TCF20: variants seen among roughly 807,000 people sequenced by gnomAD.
TCF20 encodes transcription factor 20, also known as SPRE-binding protein.
Under a neutral mutation model 148.6 loss-of-function variants are expected in TCF20, and 3 were observed. That is an observed-to-expected ratio of 0.02 (90% confidence interval 0.01 to 0.05). The LOEUF (loss-of-function observed/expected upper bound fraction) is 0.05, where lower values mean the gene tolerates loss of function less well. Ranked by LOEUF, TCF20 falls within the 10% of genes least tolerant of loss-of-function variation. The pLI is 1.00. For synonymous variants in TCF20, 1,049 were observed against 909.5 expected (o/e 1.15, Z -2.76); for missense variants, 2,350 against 2,429.3 (o/e 0.97, Z 0.69).
intron 1 of TCF20, among the ~76,000 whole-genome samples, chr22:42,281,292 T>C (rs547719213): frequency 6.6e-6 from 1 of 152,282 alleles, no homozygotes; most frequent in South Asian, 2.1e-4. Context: ...TGGGAGCAGC[T>C]AGAACAAGCC....
upstream of TCF20, among the ~76,000 whole-genome samples, chr22:42,285,977 G>T (rs1207760067): frequency 6.6e-6 from 1 of 152,134 alleles, no homozygotes; most frequent in East Asian, 1.9e-4. The surrounding 1 kb of genome is among the most constrained non-coding windows in gnomAD (Gnocchi z 4.2). Context: ...GTCCTGTAAG[G>T]CAGGAAGAAA....
chr22:42,173,138 A>AC (rs1397513733), intron 3 of TCF20, among the ~76,000 whole-genome samples: 4 of 145,704 alleles, frequency 2.7e-5, no homozygotes, highest in Non-Finnish European at 6.0e-5. Flanking sequence ...AAAAAAAAAA[A>AC]CCCTCCACAC....
rs1227800173 is a variant in TCF20 at position 42,338,560 on chromosome 22, G to A, written c.-37+4919C>T. On this transcript the variant is annotated intron_variant, in intron 1 of 1. Transcript: ENST00000515426. The surrounding 1 kb of genome is among the most constrained non-coding windows in gnomAD (Gnocchi z 4.0). ...GAAAATAATTACCGAGGAGGCCCGG[G>A]AGGGAGGCGGGGAGGCTGGCGAGAG... Among the ~76,000 whole-genome samples the A allele has an allele frequency of 6.6e-6, 1 of 152,254 alleles. No individual in the cohort carries two copies. The highest frequency in any genetic ancestry group is 2.4e-5 in the African/African-American group (1 of 41,472).
At chr22:42,323,234 A>C (rs1292690360) in intron 1 of TCF20, among the ~76,000 whole-genome samples, 1 of 151,374 alleles carries the variant, frequency 6.6e-6, no homozygotes, top group Non-Finnish European at 1.5e-5. Flanking sequence ...TCTTGTTCAG[A>C]GGCCAAAGCC....
At chr22:42,322,327 C>G (rs1182070298) in intron 1 of TCF20, among the ~76,000 whole-genome samples, 2 of 151,814 alleles carry the variant, frequency 1.3e-5, no homozygotes, top group African/African-American at 4.8e-5. Context: ...CCAGCATGCA[C>G]CATAAGGGCC....
At chr22:42,236,727 A>G (rs1923921650) in intron 1 of TCF20, among the ~76,000 whole-genome samples, 1 of 152,246 alleles carries the variant, frequency 6.6e-6, no homozygotes. Flanking sequence ...CCACAAGCAT[A>G]ACATTGCAGG....
At chr22:42,232,838 T>G (rs1008782230) in intron 1 of TCF20, among the ~76,000 whole-genome samples, 1 of 149,630 alleles carries the variant, frequency 6.7e-6, no homozygotes, top group Admixed American at 6.7e-5. Context: ...TTGACCAACA[T>G]GCTAATTTTA....
chr22:42,261,748 C>CT (rs1186158741), intron 1 of TCF20, among the ~76,000 whole-genome samples: 1 of 152,142 alleles, frequency 6.6e-6, no homozygotes, highest in Non-Finnish European at 1.5e-5. Context: ...AATCCCAGCA[C>CT]TTTGGGAGGC....
At chr22:42,306,714 T>C (rs1442994425) in intron 1 of TCF20, among the ~76,000 whole-genome samples, 1 of 152,018 alleles carries the variant, frequency 6.6e-6, no homozygotes, top group Non-Finnish European at 1.5e-5. Context: ...GAGCAGGAAA[T>C]GGAGGCTCAG....
chr22:42,290,141 G>T lies in TCF20; in HGVS notation c.-37+53338C>A, dbSNP rs916369467. 6.6e-6 allele frequency among the ~76,000 whole-genome samples: 1 copy of T among 152,144 alleles called. No individual in the cohort carries two copies. Among genetic ancestry groups the T allele is most frequent in the African/African-American group, 2.4e-5 (1 of 41,438 alleles). On this transcript the variant is annotated intron_variant, in intron 1 of 1. Transcript: ENST00000515426. The surrounding 1 kb of genome is among the most constrained non-coding windows in gnomAD (Gnocchi z 4.2). Reference sequence around the variant, plus strand: ...CCAGGGGGACAAGGGCCAGCAGGAGGCAGGGCTGGGCCCCAATCCTTGCTG... The same window carrying T: ...CCAGGGGGACAAGGGCCAGCAGGAGTCAGGGCTGGGCCCCAATCCTTGCTG...
intron 3 of TCF20, among the ~76,000 whole-genome samples, chr22:42,172,149 CTG>C (rs1341205190): frequency 3.3e-5 from 5 of 151,962 alleles, no homozygotes; most frequent in Non-Finnish European, 5.9e-5. Context: ...TGCAGGAACA[CTG>C]TGCAGACAAT....
At chr22:42,277,801 G>A (rs985427012) in intron 1 of TCF20, among the ~76,000 whole-genome samples, 2 of 152,228 alleles carry the variant, frequency 1.3e-5, no homozygotes, top group African/African-American at 4.8e-5. Flanking sequence ...CAGGCCCTGT[G>A]TCACGTCACC....
intron 3 of TCF20, among the ~76,000 whole-genome samples, chr22:42,174,720 ATTT>A (rs200903962): frequency 2.0e-5 from 3 of 147,290 alleles, no homozygotes; most frequent in South Asian, 4.3e-4. Flanking sequence ...CTCAAAAAAA[ATTT>A]TTTTTTTTTT....
chr22:42,245,878 G>T (rs1924859909), intron 1 of TCF20, among the ~76,000 whole-genome samples: 1 of 152,026 alleles, frequency 6.6e-6, no homozygotes, highest in Non-Finnish European at 1.5e-5. Context: ...CCCCTGAATA[G>T]ATGGAATTAC....
chr22:42,173,950 T>G (rs954175180), intron 3 of TCF20, among the ~76,000 whole-genome samples: 1 of 152,168 alleles, frequency 6.6e-6, no homozygotes, highest in Non-Finnish European at 1.5e-5. Context: ...CCAGCTTAAC[T>G]AGGCAGGCTA....
chr22:42,319,341 A>C (rs1337526040), intron 1 of TCF20, among the ~76,000 whole-genome samples: 1 of 152,120 alleles, frequency 6.6e-6, no homozygotes, highest in Non-Finnish European at 1.5e-5. Context: ...CTGCTGCTCT[A>C]AACTCCCCAA....
intron 1 of TCF20, among the ~76,000 whole-genome samples, chr22:42,306,869 T>C (rs1927443365): frequency 6.6e-6 from 1 of 151,658 alleles, no homozygotes; most frequent in Non-Finnish European, 1.5e-5. Flanking sequence ...TGAAACTCTG[T>C]CTCTACTAAA....
At chr22:42,324,590 TTCCACCATCCGAGAAGATAATC>T (rs1473401567) in intron 1 of TCF20, among the ~76,000 whole-genome samples, 12 of 147,330 alleles carry the variant, frequency 8.1e-5, no homozygotes, top group African/African-American at 2.5e-4. Flanking sequence ...AGAAAATAAT[TTCCACCATCCGAGAAGATAATC>T]TCCACCATCC....
intron 1 of TCF20, among the ~76,000 whole-genome samples, chr22:42,232,366 T>C: frequency 6.6e-6 from 1 of 151,834 alleles, no homozygotes; most frequent in East Asian, 1.9e-4. Context: ...TTCTTAGAAA[T>C]ATTCTGTTGT....
Sources: gnomAD v4.1 joint callset for allele counts (sites outside exome capture counted in the v4.1 genomes callset) on GRCh38, gnomAD v4.1.1 for gene constraint, Gnocchi (gnomAD v3.1) non-coding constraint, MANE v1.5 for transcripts, NCBI Gene and HGNC (gene_info 2026-07-23, HGNC 2026-07-21) for gene names.